NSMCE2: variants seen among roughly 807,000 people sequenced by gnomAD.
NSMCE2 encodes NSE2 SUMO ligase component of SMC5/6 complex.
NSMCE2 carries 24 observed loss-of-function variants against 23.8 expected under a neutral mutation model. The ratio of observed to expected loss-of-function variants is 1.01; its 90% confidence interval spans 0.73 to 1.42. NSMCE2 has a LOEUF of 1.42. NSMCE2 is among the 40% of genes most tolerant of loss of function. NSMCE2 has a pLI of 0.00. For synonymous variants in NSMCE2, 92 were observed against 94.1 expected (o/e 0.98, Z 0.13); for missense variants, 284 against 296.5 (o/e 0.96, Z 0.31).
chr8:125,174,688 G>T (rs368657809), intron 4 of NSMCE2, among the ~76,000 whole-genome samples: 1 of 152,144 alleles, frequency 6.6e-6, no homozygotes, highest in Non-Finnish European at 1.5e-5. Context: ...CAATTTTTCC[G>T]AAAGGCTCGA....
At chr8:125,358,584 A>G (rs991691522) in intron 7 of NSMCE2, among the ~76,000 whole-genome samples, 3 of 152,064 alleles carry the variant, frequency 2.0e-5, no homozygotes, top group African/African-American at 4.8e-5. Flanking sequence ...CTGTAATAAC[A>G]TAGAATCCTG....
At chr8:125,125,306 C>A (rs986805885) in intron 3 of NSMCE2, among the ~76,000 whole-genome samples, 1 of 152,150 alleles carries the variant, frequency 6.6e-6, no homozygotes, top group Non-Finnish European at 1.5e-5. Context: ...TGGAGAGCTC[C>A]CTTCCTCCTG....
chr8:125,162,649 G>C (rs1384350219), intron 4 of NSMCE2, among the ~76,000 whole-genome samples: 1 of 151,996 alleles, frequency 6.6e-6, no homozygotes. Flanking sequence ...GAAAGTACTT[G>C]GGAGGTAAGA....
At chr8:125,341,346 A>C (rs560458987) in intron 5 of NSMCE2, among the ~76,000 whole-genome samples, 1 of 152,200 alleles carries the variant, frequency 6.6e-6, no homozygotes, top group African/African-American at 2.4e-5. Flanking sequence ...TGTAGAGTTC[A>C]TAAAGCAAGT....
intron 4 of NSMCE2, 48 bp downstream of exon 4, chr8:125,151,325 A>T: frequency 1.1e-6 from 1 of 926,732 alleles, no homozygotes; most frequent in Non-Finnish European, 1.8e-6. Flanking sequence ...CAACTCACTG[A>T]CCGAGAAGTA....
At chr8:125,200,153 G>A (rs997666988) in intron 5 of NSMCE2, among the ~76,000 whole-genome samples, 4 of 152,056 alleles carry the variant, frequency 2.6e-5, no homozygotes, top group African/African-American at 7.3e-5. Context: ...TCTTTTAATT[G>A]GGGCATTTAG....
At chr8:125,149,292 A>G (rs1373241629) in intron 3 of NSMCE2, among the ~76,000 whole-genome samples, 4 of 152,216 alleles carry the variant, frequency 2.6e-5, no homozygotes, top group African/African-American at 4.8e-5. Flanking sequence ...GAGATAGTCT[A>G]TGAAATATAC....
intron 4 of NSMCE2, among the ~76,000 whole-genome samples, chr8:125,170,415 T>TTTTTTTTA (rs1199459816): frequency 2.3e-4 from 21 of 93,196 alleles, no homozygotes; most frequent in Middle Eastern, 7.4e-3. Flanking sequence ...TTTTTTTTTT[T>TTTTTTTTA]AAGACAGAGT....
chr8:125,156,396 T>A (rs868228729), intron 4 of NSMCE2: 15 of 153,992 alleles, frequency 9.7e-5, no homozygotes, highest in Admixed American at 2.6e-4. Context: ...TACCCTCTTT[T>A]ATGCTCTTGC....
At chr8:125,341,859 C>T (rs1378606703) in intron 5 of NSMCE2, among the ~76,000 whole-genome samples, 3 of 120,182 alleles carry the variant, frequency 2.5e-5, no homozygotes, top group East Asian at 2.6e-4. Flanking sequence ...CCTTTAGGAT[C>T]GAGAGTCCAT....
chr8:125,327,225 C>T (rs1829703444), intron 5 of NSMCE2, among the ~76,000 whole-genome samples: 1 of 144,830 alleles, frequency 6.9e-6, no homozygotes, highest in Non-Finnish European at 1.5e-5. Context: ...AAGATCACAC[C>T]ACTGCACCCC....
intron 3 of NSMCE2, chr8:125,130,495 A>C (rs182182382): frequency 4.7e-6 from 1 of 212,222 alleles, no homozygotes; most frequent in Admixed American, 5.2e-5. Flanking sequence ...TTCTGTAAAG[A>C]GTTTTGTTTT....
At chr8:125,138,599 C>T (rs1032678063) in intron 3 of NSMCE2, among the ~76,000 whole-genome samples, 5 of 152,082 alleles carry the variant, frequency 3.3e-5, no homozygotes, top group African/African-American at 1.2e-4. Context: ...GTAGTATTAT[C>T]ATAGTCTTCG....
At chr8:125,346,753 G>A (rs1251468471) in intron 5 of NSMCE2, among the ~76,000 whole-genome samples, 2 of 152,118 alleles carry the variant, frequency 1.3e-5, no homozygotes, top group Non-Finnish European at 2.9e-5. Flanking sequence ...AATCTTAACT[G>A]ACGATTTTTG....
At chr8:125,231,466 C>G (rs1283544456) in intron 5 of NSMCE2, among the ~76,000 whole-genome samples, 1 of 152,218 alleles carries the variant, frequency 6.6e-6, no homozygotes, top group Non-Finnish European at 1.5e-5. Context: ...TCTCAGAGAT[C>G]AACCTCTTTA....
At chr8:125,288,264 T>C (rs1751418439) in intron 5 of NSMCE2, among the ~76,000 whole-genome samples, 3 of 152,234 alleles carry the variant, frequency 2.0e-5, no homozygotes, top group Admixed American at 2.0e-4. Context: ...AATCCTGTCC[T>C]TACTGCTTCT....
intron 4 of NSMCE2, among the ~76,000 whole-genome samples, chr8:125,171,615 C>G (rs1822210202): frequency 6.6e-6 from 1 of 152,232 alleles, no homozygotes; most frequent in Non-Finnish European, 1.5e-5. Context: ...GCTACTAATA[C>G]TGCTGCTAAT....
intron 5 of NSMCE2, among the ~76,000 whole-genome samples, chr8:125,223,480 T>A (rs6470344): frequency 0.37 from 55,736 of 152,150 alleles, 13,778 homozygotes; most frequent in African/African-American, 0.7. Flanking sequence ...ACCAATTTCA[T>A]TTCATTTGTA....
chr8:125,143,618 A>G (rs1820500833), intron 3 of NSMCE2, among the ~76,000 whole-genome samples: 2 of 152,212 alleles, frequency 1.3e-5, no homozygotes, highest in African/African-American at 4.8e-5. Context: ...TCCACTATAT[A>G]TAATTGGTGG....
Sources: allele counts gnomAD v4.1 joint callset (sites outside exome capture counted in the v4.1 genomes callset), GRCh38; gene constraint gnomAD v4.1.1; transcripts MANE v1.5; gene names NCBI Gene and HGNC (gene_info 2026-07-23, HGNC 2026-07-21).